The following CDH9 variants were observed in gnomAD, a reference collection of about 807,000 sequenced individuals.
CDH9 encodes the protein cadherin-9.
In CDH9, 28 loss-of-function variants were observed where a neutral mutation model predicts 70.9. That is an observed-to-expected ratio of 0.40 (90% confidence interval 0.29 to 0.54). The LOEUF (loss-of-function observed/expected upper bound fraction) is 0.54. Among genes scored for constraint, CDH9 ranks in the 20% least tolerant of loss-of-function variants. The pLI is 0.59. For synonymous variants in CDH9, 409 were observed against 343.1 expected, an observed-to-expected ratio of 1.19 and a Z score of -2.12; for missense variants, 874 against 984.4, an observed-to-expected ratio of 0.89 and a Z score of 1.50.
In CDH9 at chr5:26,886,011, G is replaced by T. The variant is rs766784543; in HGVS notation, c.1585C>A (p.Pro529Thr). The change falls in exon 10 of 12, where the codon CCA becomes ACA. Residue 529 changes from proline to threonine, a missense_variant. Pro to Thr is a conservative substitution (Grantham distance 38). Transcript: ENST00000231021. Reference sequence around the variant, plus strand: ...AAATTCGGATTGAGAGTAAATTCTGGCACTGGTTCAAAAAAGAATTTGTGA... The same window carrying T: ...AAATTCGGATTGAGAGTAAATTCTGTCACTGGTTCAAAAAAGAATTTGTGA... Reference protein sequence around the residue: ...RGHKFFFEPVPEFTLNPNFTI... With the variant: ...RGHKFFFEPVTEFTLNPNFTI... The T allele has an allele frequency of 6.2e-7, 1 of 1,612,146 alleles. No individual in the cohort carries two copies. Among genetic ancestry groups the T allele is most frequent in the Non-Finnish European group, 8.5e-7 (1 of 1,179,492 alleles).
intron 1 of CDH9, among the ~76,000 whole-genome samples, chr5:26,989,508 G>GTC (rs150867847): frequency 0.24 from 35,373 of 146,666 alleles, 4,278 homozygotes; most frequent in Non-Finnish European, 0.27. Context: ...TCTCTTCTCT[G>GTC]TCTCTCTCTC....
At chr5:26,948,741 G>T (rs1355512278) in intron 2 of CDH9, among the ~76,000 whole-genome samples, 2 of 152,198 alleles carry the variant, frequency 1.3e-5, no homozygotes, top group Admixed American at 6.5e-5. Flanking sequence ...AGTCAGAGAA[G>T]TGTGTTAATC....
At chr5:27,009,623 A>G (rs1742923872) in intron 1 of CDH9, among the ~76,000 whole-genome samples, 1 of 152,050 alleles carries the variant, frequency 6.6e-6, no homozygotes, top group South Asian at 2.1e-4. Context: ...TACTATATAT[A>G]CACTCCTTGA....
At chr5:26,984,098 T>A (rs1219339425) in intron 2 of CDH9, among the ~76,000 whole-genome samples, 3 of 152,104 alleles carry the variant, frequency 2.0e-5, no homozygotes, top group Non-Finnish European at 2.9e-5. Context: ...CAGAGCTCAA[T>A]CAATGTTAAA....
intron 1 of CDH9, among the ~76,000 whole-genome samples, chr5:26,997,629 A>C (rs1054582215): frequency 2.6e-5 from 4 of 152,210 alleles, no homozygotes; most frequent in African/African-American, 4.8e-5. Flanking sequence ...TGACATGCTG[A>C]CATGTTTAAG....
At chr5:26,914,492 C>G (rs1273625965) in intron 3 of CDH9, among the ~76,000 whole-genome samples, 1 of 152,010 alleles carries the variant, frequency 6.6e-6, no homozygotes, top group African/African-American at 2.4e-5. Context: ...TCACAGGACT[C>G]CTGTCTAATT....
At chr5:26,912,613 T>C (rs1741073602) in intron 3 of CDH9, among the ~76,000 whole-genome samples, 1 of 151,856 alleles carries the variant, frequency 6.6e-6, no homozygotes, top group Non-Finnish European at 1.5e-5. Context: ...ACATTTGATT[T>C]AAAGTAATAA....
chr5:27,008,928 G>A (rs1349186979), intron 1 of CDH9, among the ~76,000 whole-genome samples: 2 of 152,084 alleles, frequency 1.3e-5, no homozygotes, highest in Non-Finnish European at 2.9e-5. Context: ...ACCCAGAATT[G>A]ACACTCATGG....
At chr5:27,027,012 A>C (rs1743231515) in intron 1 of CDH9, among the ~76,000 whole-genome samples, 1 of 151,974 alleles carries the variant, frequency 6.6e-6, no homozygotes, top group Non-Finnish European at 1.5e-5. Flanking sequence ...GGAAGTCGTA[A>C]ATAGATTAAA....
chr5:26,899,449 C>T (rs1315612128), intron 7 of CDH9, among the ~76,000 whole-genome samples: 2 of 150,980 alleles, frequency 1.3e-5, no homozygotes, highest in East Asian at 3.9e-4. Flanking sequence ...ACTGTATATA[C>T]ACCATGGAAT....
At chr5:26,952,713 A>G (rs1196722940) in intron 2 of CDH9, among the ~76,000 whole-genome samples, 5 of 150,728 alleles carry the variant, frequency 3.3e-5, no homozygotes, top group Admixed American at 2.6e-4. Flanking sequence ...AAAGATGAAA[A>G]GTAGTCCTCA....
intron 1 of CDH9, among the ~76,000 whole-genome samples, chr5:27,005,552 C>A (rs1277312592): frequency 6.6e-6 from 1 of 152,046 alleles, no homozygotes; most frequent in Non-Finnish European, 1.5e-5. Flanking sequence ...AAAGCAAACA[C>A]ATGCACTGAT....
intron 2 of CDH9, among the ~76,000 whole-genome samples, chr5:26,961,979 C>T (rs1365465674): frequency 6.6e-6 from 1 of 152,120 alleles, no homozygotes; most frequent in Non-Finnish European, 1.5e-5. Flanking sequence ...CTTCCCTCGC[C>T]CCCAACTCCC....
intron 3 of CDH9, among the ~76,000 whole-genome samples, chr5:26,907,825 C>T (rs1017192876): frequency 1.3e-5 from 2 of 152,066 alleles, no homozygotes; most frequent in Non-Finnish European, 2.9e-5. Context: ...TTGAGTCTCA[C>T]TCTTACATAC....
intron 1 of CDH9, among the ~76,000 whole-genome samples, chr5:26,998,246 A>C (rs570996041): frequency 6.6e-6 from 1 of 151,958 alleles, no homozygotes; most frequent in South Asian, 2.1e-4. Flanking sequence ...GATTGCAAAA[A>C]TTTTCTCCCA....
At chr5:26,899,773 A>G (rs1740819619) in intron 7 of CDH9, among the ~76,000 whole-genome samples, 1 of 151,936 alleles carries the variant, frequency 6.6e-6, no homozygotes, top group South Asian at 2.1e-4. Context: ...AATGTAGATG[A>G]CGGTTTGATG....
At chr5:26,916,692 T>C (rs1741155343) in intron 2 of CDH9, among the ~76,000 whole-genome samples, 1 of 151,926 alleles carries the variant, frequency 6.6e-6, no homozygotes, top group South Asian at 2.1e-4. Flanking sequence ...GAAACCATGA[T>C]TAAGGGGGAA....
intron 1 of CDH9, among the ~76,000 whole-genome samples, chr5:27,012,289 A>AT (rs1742972290): frequency 6.6e-6 from 1 of 151,830 alleles, no homozygotes; most frequent in Admixed American, 6.6e-5. Context: ...TATTATTATT[A>AT]TTTTTTAATA....
intron 2 of CDH9, among the ~76,000 whole-genome samples, chr5:26,938,066 T>A (rs1159100585): frequency 6.6e-6 from 1 of 152,010 alleles, no homozygotes; most frequent in Non-Finnish European, 1.5e-5. Flanking sequence ...TGAAAAATTC[T>A]ACTGGGGGCA....
Sources: gnomAD v4.1 joint callset for allele counts (sites outside exome capture counted in the v4.1 genomes callset) on GRCh38, gnomAD v4.1.1 for gene constraint, MANE v1.5 for transcripts, NCBI Gene and HGNC (gene_info 2026-07-23, HGNC 2026-07-21) for gene names.